ARHGAP32: variants seen among roughly 807,000 people sequenced by gnomAD.
ARHGAP32 encodes rho GTPase-activating protein 32.
A neutral mutation model predicts 186.5 loss-of-function variants in ARHGAP32; 51 were observed. The observed-to-expected ratio is 0.27, with a 90% CI of 0.22 to 0.35. The LOEUF (loss-of-function observed/expected upper bound fraction) is 0.35, where lower values mean the gene tolerates loss of function less well. ARHGAP32 is among the 10% of genes least tolerant of loss of function. The pLI is 1.00. For synonymous variants in ARHGAP32, 950 were observed against 964.3 expected, an observed-to-expected ratio of 0.99 and a Z score of 0.27; for missense variants, 2,186 against 2,623.5, an observed-to-expected ratio of 0.83 and a Z score of 3.64.
chr11:129,023,457 C>G (rs1483872281), intron 11 of ARHGAP32, among the ~76,000 whole-genome samples: 1 of 151,988 alleles, frequency 6.6e-6, no homozygotes, highest in Non-Finnish European at 1.5e-5. Context: ...ATATTATTAA[C>G]CCACCAGGAA....
At chr11:129,247,242 T>TA (rs140172454) in intron 1 of ARHGAP32, among the ~76,000 whole-genome samples, 3 of 151,880 alleles carry the variant, frequency 2.0e-5, no homozygotes, top group African/African-American at 7.2e-5. Context: ...GTTTACATGC[T>TA]AAAAGTATAA....
chr11:129,255,467 TTA>T (rs1394827241), intron 1 of ARHGAP32, among the ~76,000 whole-genome samples: 1 of 151,966 alleles, frequency 6.6e-6, no homozygotes, highest in Non-Finnish European at 1.5e-5. Flanking sequence ...CTCTCAGACA[TTA>T]GAGTAGGCAA....
intron 11 of ARHGAP32, among the ~76,000 whole-genome samples, chr11:129,010,253 T>G (rs920305499): frequency 1.3e-5 from 2 of 152,226 alleles, no homozygotes; most frequent in African/African-American, 2.4e-5. Flanking sequence ...GTCTCTTCAG[T>G]GTGATGATAG....
At chr11:129,152,479 A>C (rs1450666085) in intron 2 of ARHGAP32, among the ~76,000 whole-genome samples, 1 of 152,186 alleles carries the variant, frequency 6.6e-6, no homozygotes, top group Non-Finnish European at 1.5e-5. Context: ...AGATACAAAA[A>C]TCCTCAACAA....
At chr11:129,036,636 T>A (rs1178758532) in intron 11 of ARHGAP32, among the ~76,000 whole-genome samples, 1 of 152,144 alleles carries the variant, frequency 6.6e-6, no homozygotes, top group Non-Finnish European at 1.5e-5. Flanking sequence ...TAAAAACCCA[T>A]TATAATCTCA....
In ARHGAP32 at chr11:129,189,605, A is replaced by C. The variant is rs142282900; in HGVS notation, c.116+2478T>G. Reference sequence around the variant, plus strand: ...TCTAGTCTAATAACTATTTTACCACAGTGACAAGGTAGGTAATAATACCGA... The same window carrying C: ...TCTAGTCTAATAACTATTTTACCACCGTGACAAGGTAGGTAATAATACCGA... On this transcript the variant is annotated intron_variant, in intron 1 of 22. Transcript: ENST00000682385. 2.0e-5 allele frequency among the ~76,000 whole-genome samples: 3 copies of C among 152,310 alleles called. No individual in the cohort carries two copies. In the East Asian group the frequency reaches 5.8e-4, roughly 29 times the overall value.
intron 1 of ARHGAP32, among the ~76,000 whole-genome samples, chr11:129,186,519 T>C (rs1380652902): frequency 6.6e-6 from 1 of 152,170 alleles, no homozygotes; most frequent in African/African-American, 2.4e-5. Flanking sequence ...GTGAATGTTA[T>C]ACTTACTGTT....
At chr11:129,173,328 CAA>C (rs761786419) in intron 1 of ARHGAP32, among the ~76,000 whole-genome samples, 21 of 124,734 alleles carry the variant, frequency 1.7e-4, no homozygotes, top group Admixed American at 2.5e-4. Flanking sequence ...ATAGACCAAC[CAA>C]AAAAAAAAAA....
intron 5 of ARHGAP32, among the ~76,000 whole-genome samples, chr11:129,107,517 T>C (rs1187391215): frequency 2.0e-5 from 3 of 152,224 alleles, no homozygotes; most frequent in South Asian, 2.1e-4. Context: ...GCACATGATA[T>C]ATAAAGATGT....
chr11:129,214,577 T>C (rs1194807219), intron 1 of ARHGAP32, among the ~76,000 whole-genome samples: 1 of 152,184 alleles, frequency 6.6e-6, no homozygotes, highest in East Asian at 1.9e-4. Context: ...GGAAGGTGTC[T>C]CTCCTTTGTT....
chr11:129,113,140 G>A (rs1014162930), intron 5 of ARHGAP32, among the ~76,000 whole-genome samples: 4 of 152,020 alleles, frequency 2.6e-5, no homozygotes, highest in South Asian at 2.1e-4. Context: ...TATGAGTCTC[G>A]TGGTGTTATT....
At chr11:129,234,901 C>T (rs1262703013) in intron 1 of ARHGAP32, among the ~76,000 whole-genome samples, 3 of 152,166 alleles carry the variant, frequency 2.0e-5, no homozygotes, top group South Asian at 2.1e-4. Context: ...GTTTACCAGG[C>T]TTTTAAGTAG....
chr11:129,116,622 A>G (rs1166829707), intron 5 of ARHGAP32, among the ~76,000 whole-genome samples: 1 of 152,056 alleles, frequency 6.6e-6, no homozygotes, highest in African/African-American at 2.4e-5. Context: ...ATTTTTTTAA[A>G]CTGAAAATAT....
rs11530615 is a variant in ARHGAP32, at chr11:129,003,091, C to T, written c.1046-4623G>A. On this transcript the variant is annotated intron_variant, in intron 11 of 22. Coordinates refer to ENST00000682385, the MANE Select transcript of ARHGAP32 (RefSeq NM_001378024.1). The stretch of plus-strand genomic sequence containing the variant: ...GATTACAGGCGTGAGCCACCGTGCC[C>T]GGCCAAGGGATGTTGAATTTTTATT... 1.0e-3 allele frequency among the ~76,000 whole-genome samples: 158 copies of T among 152,146 alleles called. 2 individuals are homozygous for T. The East Asian group carries it at 0.028, about 27-fold the overall frequency.
intron 2 of ARHGAP32, among the ~76,000 whole-genome samples, chr11:129,133,040 G>A (rs1942849111): frequency 1.3e-5 from 2 of 152,164 alleles, no homozygotes; most frequent in Non-Finnish European, 2.9e-5. Flanking sequence ...TAGGAAGCAT[G>A]ACTGGCGAGG....
At chr11:129,240,943 G>A (rs1565477897) in intron 1 of ARHGAP32, among the ~76,000 whole-genome samples, 1 of 152,168 alleles carries the variant, frequency 6.6e-6, no homozygotes, top group Non-Finnish European at 1.5e-5. Flanking sequence ...CCAAAAGAGA[G>A]GACAATGTAC....
intron 1 of ARHGAP32, among the ~76,000 whole-genome samples, chr11:129,177,313 A>C (rs1333250434): frequency 6.6e-6 from 1 of 152,094 alleles, no homozygotes; most frequent in African/African-American, 2.4e-5. Flanking sequence ...CCAACCAAAA[A>C]GAGTCCAGGA....
intron 11 of ARHGAP32, among the ~76,000 whole-genome samples, chr11:129,034,032 T>C (rs1290955914): frequency 6.6e-6 from 1 of 152,226 alleles, no homozygotes; most frequent in East Asian, 1.9e-4. Context: ...TTTTTGTTCT[T>C]CTAAATCGTC....
At chr11:129,087,718 C>T (rs1397251175) in intron 6 of ARHGAP32, among the ~76,000 whole-genome samples, 1 of 152,096 alleles carries the variant, frequency 6.6e-6, no homozygotes, top group Non-Finnish European at 1.5e-5. Context: ...AGAGTAAACC[C>T]TAATGTAAAC....
Sources: gnomAD v4.1 joint callset for allele counts (sites outside exome capture counted in the v4.1 genomes callset) on GRCh38, gnomAD v4.1.1 for gene constraint, MANE v1.5 for transcripts, NCBI Gene and HGNC (gene_info 2026-07-23, HGNC 2026-07-21) for gene names.